LZTFL1: variants seen among roughly 807,000 people sequenced by gnomAD.
LZTFL1 encodes leucine zipper transcription factor-like protein 1.
A neutral mutation model predicts 45.9 loss-of-function variants in LZTFL1; 25 were observed. That is an observed-to-expected ratio of 0.54 (90% CI 0.40 to 0.76). LZTFL1 has a LOEUF of 0.76. LZTFL1 is among the 30% of genes least tolerant of loss of function. LZTFL1 has a pLI of 0.00. For missense variants in LZTFL1, 277 were observed against 331.1 expected (o/e 0.84, Z 1.27); for synonymous variants, 93 against 117.4 (o/e 0.79, Z 1.35).
intron 4 of LZTFL1, among the ~76,000 whole-genome samples, chr3:45,847,161 C>T (rs924690744): frequency 2.6e-5 from 4 of 152,232 alleles, no homozygotes; most frequent in Non-Finnish European, 4.4e-5. Flanking sequence ...CCAAGATTCA[C>T]ACCTTGAAAC....
chr3:45,843,436 G>T (rs1391269747), upstream of LZTFL1, among the ~76,000 whole-genome samples: 1 of 152,184 alleles, frequency 6.6e-6, no homozygotes, highest in African/African-American at 2.4e-5. Context: ...GTGGGTGCGA[G>T]ATGAAGTTCA....
At chr3:45,873,894 C>A (rs1701708454) in intron 2 of LZTFL1, among the ~76,000 whole-genome samples, 1 of 152,164 alleles carries the variant, frequency 6.6e-6, no homozygotes, top group African/African-American at 2.4e-5. Flanking sequence ...CTAATATAAC[C>A]TTTGTAGTCA....
intron 2 of LZTFL1, among the ~76,000 whole-genome samples, chr3:45,859,713 T>G (rs1207549010): frequency 6.7e-6 from 1 of 149,824 alleles, no homozygotes; most frequent in Non-Finnish European, 1.5e-5. Flanking sequence ...CTTGGCTCAC[T>G]GCAACCTCTG....
At chr3:45,911,168 C>T (rs1255376852) in intron 2 of LZTFL1, among the ~76,000 whole-genome samples, 1 of 152,200 alleles carries the variant, frequency 6.6e-6, no homozygotes, top group Non-Finnish European at 1.5e-5. Flanking sequence ...GTCAGAGCAG[C>T]CAGAGGCCAG....
chr3:45,841,832 C>T, intron 1 of LZTFL1, 157 bp downstream of exon 1: 1 of 971,008 alleles, frequency 1.0e-6, no homozygotes, highest in Admixed American at 2.3e-5. Context: ...TTAACCGAAT[C>T]TCTCGCGCCC....
In LZTFL1 at chr3:45,833,136, A is replaced by G. The variant is rs1700876138; in HGVS notation, c.385-15T>C. The G allele has an allele frequency of 1.3e-6, 2 of 1,596,150 alleles. No individual in the cohort carries two copies. The highest frequency in any genetic ancestry group is 1.7e-6 in the Non-Finnish European group (2 of 1,163,978). On this transcript the variant is annotated splice_polypyrimidine_tract_variant and intron_variant, in intron 4 of 9. Coordinates refer to ENST00000296135, the MANE Select transcript of LZTFL1 (RefSeq NM_020347.4). ...TCTAAGATGGGCTGAAACAAAATAA[A>G]GAAACCAAACTGAAATCACCACAGA...
intron 2 of LZTFL1, among the ~76,000 whole-genome samples, chr3:45,868,483 C>T (rs576920308): frequency 6.6e-6 from 1 of 152,286 alleles, no homozygotes; most frequent in Admixed American, 6.5e-5. Flanking sequence ...CACATACACA[C>T]ATGTAAAGCT....
intron 2 of LZTFL1, among the ~76,000 whole-genome samples, chr3:45,886,301 G>A (rs1247871693): frequency 6.6e-6 from 1 of 152,212 alleles, no homozygotes; most frequent in Non-Finnish European, 1.5e-5. Flanking sequence ...AAGCAGCTGT[G>A]CTGTCTAGGA....
In LZTFL1 at chr3:45,837,952, A is replaced by T; in HGVS notation, c.103T>A (p.Cys35Ser). The T allele has an allele frequency of 1.2e-6, 2 of 1,613,088 alleles. No individual in the cohort carries two copies. Among genetic ancestry groups the T allele is most frequent in the Non-Finnish European group, 8.5e-7 (1 of 1,179,708 alleles). The change falls in exon 2 of 10, where the codon TGC becomes AGC. Residue 35 changes from cysteine to serine, a missense_variant. By Grantham distance (112) the Cys-to-Ser change is moderately radical. Coordinates refer to ENST00000296135, the MANE Select transcript of LZTFL1 (RefSeq NM_020347.4). ...CTGCTCTCCTTGAGGTCTTGGAAGC[A>T]GGAATCTACAGTTTTGAGTCTCAAG... is the stretch of plus-strand genomic sequence containing the variant. The part of the protein sequence containing the change: ...RGLRLKTVDS[C>S]FQDLKESRLV...
At chr3:45,904,827 G>T (rs191038980) in intron 2 of LZTFL1, among the ~76,000 whole-genome samples, 3 of 152,310 alleles carry the variant, frequency 2.0e-5, no homozygotes, top group African/African-American at 7.2e-5. Context: ...GAGTGGGTTT[G>T]CTTGGCTTTC....
rs200688629 is a variant in LZTFL1 at position 45,900,954 on chromosome 3, T to A, written c.-215+12166A>T. The A allele has an allele frequency of 6.2e-7, 1 of 1,614,238 alleles. No individual in the cohort carries two copies. Among genetic ancestry groups the A allele is most frequent in the Non-Finnish European group, 8.5e-7 (1 of 1,180,034 alleles). On this transcript the variant is annotated intron_variant, in intron 2 of 4. Transcript: ENST00000472635. This position sits in a 1 kb window ranked among gnomAD's most constrained non-coding sequence, Gnocchi z 4.7. Reference sequence around the variant, plus strand: ...GAGCCATTTCCTCCCACCCTTGTACTGGCTCGTGTTCATCGTGGGTGCCTT... The same window carrying A: ...GAGCCATTTCCTCCCACCCTTGTACAGGCTCGTGTTCATCGTGGGTGCCTT...
intron 1 of LZTFL1, chr3:45,841,762 G>A: frequency 1.7e-6 from 1 of 603,932 alleles, no homozygotes; most frequent in South Asian, 2.0e-5. Context: ...CGATGCGGCG[G>A]AGCTGGGCTG....
At position 45,824,539 on chromosome 3, in the gene LZTFL1, T is replaced by C. The variant is rs1420921030; in HGVS notation, c.*1775A>G. Reference sequence around the variant, plus strand: ...TATTTTTGAATTTATTATTAAACAATAGGAACGTACTGTACAGAATATTTC... The same window carrying C: ...TATTTTTGAATTTATTATTAAACAACAGGAACGTACTGTACAGAATATTTC... On this transcript the variant is annotated 3_prime_UTR_variant, in exon 10 of 10. Transcript: ENST00000296135. 3.2e-6 allele frequency: 1 copy of C among 316,552 alleles called. No homozygotes were observed. Among genetic ancestry groups the C allele is most frequent in the Non-Finnish European group, 5.7e-6 (1 of 175,410 alleles). The allele number at this position is 316,552 out of a possible 1,614,324, so 19.6% of individuals were successfully genotyped here. A position where few individuals can be genotyped will look rare whatever the true frequency, so the allele number is the denominator to read the frequency against.
chr3:45,884,362 C>T (rs1207958864), intron 2 of LZTFL1, among the ~76,000 whole-genome samples: 10 of 152,252 alleles, frequency 6.6e-5, no homozygotes, highest in Admixed American at 2.0e-4. Context: ...TTTGAGAAAG[C>T]GGAAGTTCTC....
intron 2 of LZTFL1, among the ~76,000 whole-genome samples, chr3:45,891,216 C>T (rs1041740131): frequency 6.6e-6 from 1 of 152,206 alleles, no homozygotes; most frequent in African/African-American, 2.4e-5. Flanking sequence ...GAGGCTGGGG[C>T]TACTCATTTT....
chr3:45,824,948 A>G lies in LZTFL1; in HGVS notation c.*1366T>C. The G allele has an allele frequency of 2.5e-6, 1 of 398,378 alleles. No individual in the cohort carries two copies. Among genetic ancestry groups the G allele is most frequent in the East Asian group, 3.6e-5 (1 of 28,038 alleles). 24.7% of individuals were successfully genotyped at this position (398,378 alleles called of 1,614,324 possible). ...TGCATTTTATTCTCTCCCTTCTCTC[A>G]TCCATTCATCTTCTTAAGACTGCCT... On this transcript the variant is annotated 3_prime_UTR_variant, in exon 10 of 10. Coordinates refer to ENST00000296135, the MANE Select transcript of LZTFL1 (RefSeq NM_020347.4).
At chr3:45,910,121 C>G (rs1018224693) in intron 2 of LZTFL1, among the ~76,000 whole-genome samples, 1 of 151,962 alleles carries the variant, frequency 6.6e-6, no homozygotes, top group African/African-American at 2.4e-5. Flanking sequence ...TGGCATGATC[C>G]AATTCATGTT....
In LZTFL1 at chr3:45,901,937, T is replaced by A; in HGVS notation, c.-215+11183A>T. 6.6e-7 allele frequency: 1 copy of A among 1,508,514 alleles called. No homozygotes were observed. Among genetic ancestry groups the A allele is most frequent in the Non-Finnish European group, 8.9e-7 (1 of 1,122,626 alleles). 93.4% of individuals were successfully genotyped at this position (1,508,514 alleles called of 1,614,324 possible). On this transcript the variant is annotated intron_variant, in intron 2 of 4. Transcript: ENST00000472635. This position sits in a 1 kb window ranked among gnomAD's most constrained non-coding sequence, Gnocchi z 4.3. ...AGGTGCATGGTTCTTTTGGAAGAAA[T>A]GAGAAATACAGAAACAGTTTCCCCA...
intron 2 of LZTFL1, among the ~76,000 whole-genome samples, chr3:45,877,976 C>T (rs1248358124): frequency 6.6e-6 from 1 of 152,122 alleles, no homozygotes; most frequent in African/African-American, 2.4e-5. Flanking sequence ...AAACTCTTGG[C>T]CTCAAATGAT....
Sources: allele counts gnomAD v4.1 joint callset (sites outside exome capture counted in the v4.1 genomes callset), GRCh38; gene constraint gnomAD v4.1.1; non-coding constraint Gnocchi (gnomAD v3.1); transcripts MANE v1.5; gene names NCBI Gene and HGNC (gene_info 2026-07-23, HGNC 2026-07-21).